Variants in DMD observed in about 807,000 individuals in gnomAD.
DMD encodes the protein dystrophin.
A neutral mutation model predicts 330.1 loss-of-function variants in DMD; 63 were observed. The ratio of observed to expected loss-of-function variants is 0.19; its 90% CI spans 0.16 to 0.24. The LOEUF (loss-of-function observed/expected upper bound fraction) is 0.24. DMD is among the 10% of genes least tolerant of loss of function. The pLI, the probability that DMD is intolerant of heterozygous loss-of-function variation, is 1.00. For missense variants in DMD, 3,344 were observed against 2,684.1 expected (o/e 1.25, Z -5.43); for synonymous variants, 1,223 against 959.8 (o/e 1.27, Z -5.07).
At chrX:32,126,985 G>A (rs1257846147) in intron 44 of DMD, among the ~76,000 whole-genome samples, 1 of 112,003 alleles carries the variant, frequency 8.9e-6, no homozygotes, top group Non-Finnish European at 1.9e-5. Flanking sequence ...TTATTTTTGT[G>A]TATAGGATTT....
At chrX:32,733,375 A>G (rs2067985979) in intron 7 of DMD, among the ~76,000 whole-genome samples, 1 of 109,557 alleles carries the variant, frequency 9.1e-6, no homozygotes. Flanking sequence ...GCCAACAAGG[A>G]TACCCAGGAA....
intron 60 of DMD, among the ~76,000 whole-genome samples, chrX:31,390,583 C>T (rs749826476): frequency 1.8e-5 from 2 of 111,236 alleles, no homozygotes; most frequent in East Asian, 5.7e-4. Context: ...TGGGAGTCAT[C>T]CTCAATCCCT....
intron 2 of DMD, among the ~76,000 whole-genome samples, chrX:32,911,841 A>T (rs1220441286): frequency 1.8e-5 from 2 of 111,574 alleles, no homozygotes; most frequent in African/African-American, 6.5e-5. Flanking sequence ...ATCTAAGCAG[A>T]CACAAAAAGT....
chrX:31,337,134 A>G (rs1188532253), intron 61 of DMD, among the ~76,000 whole-genome samples: 1 of 109,469 alleles, frequency 9.1e-6, no homozygotes, highest in Non-Finnish European at 1.9e-5. Context: ...CATGTTGGCC[A>G]GGTTGGTCTC....
At chrX:31,849,681 C>T (rs939637994) in intron 48 of DMD, among the ~76,000 whole-genome samples, 3 of 109,916 alleles carry the variant, frequency 2.7e-5, no homozygotes, top group Non-Finnish European at 3.8e-5. Flanking sequence ...GGGAATGGCA[C>T]TTATGTTTTC....
intron 44 of DMD, among the ~76,000 whole-genome samples, chrX:32,142,836 C>T (rs1174341305): frequency 8.9e-6 from 1 of 112,147 alleles, no homozygotes; most frequent in East Asian, 2.8e-4. Flanking sequence ...TAGTCATAAA[C>T]ACTAGCATCG....
At chrX:33,162,909 T>C (rs1232672528) in intron 1 of DMD, among the ~76,000 whole-genome samples, 1 of 111,164 alleles carries the variant, frequency 9.0e-6, no homozygotes, top group African/African-American at 3.3e-5. Flanking sequence ...GAAAATGACC[T>C]GCAATATTAG....
intron 59 of DMD, among the ~76,000 whole-genome samples, chrX:31,474,139 T>C (rs12014023): frequency 0.27 from 29,807 of 110,941 alleles, 4,310 homozygotes; most frequent in African/African-American, 0.55. Flanking sequence ...GTGTTTCCAT[T>C]TATTAATTTA....
intron 1 of DMD, among the ~76,000 whole-genome samples, chrX:33,146,946 C>T (rs2048062583): frequency 9.1e-6 from 1 of 110,450 alleles, no homozygotes; most frequent in South Asian, 3.9e-4. Flanking sequence ...CCTCAGCCTC[C>T]CGAGTAGCTG....
chrX:33,217,076 T>G (rs760825758), intron 1 of DMD, among the ~76,000 whole-genome samples: 62 of 111,662 alleles, frequency 5.6e-4, no homozygotes, highest in Admixed American at 4.8e-4. Context: ...ATTCACAAAT[T>G]TATTGATTAG....
Position 31,405,852 on chromosome X carries a change from C to T in DMD, c.9084+38629G>A, listed in dbSNP as rs148175749. On this transcript the variant is annotated intron_variant, in intron 60 of 78. Transcript: ENST00000357033. Reference sequence around the variant, plus strand: ...AATTCTATACAGGTTCTCAAAAGTACTATTCAGAAGTGAAAGTTCCAATAA... The same window carrying T: ...AATTCTATACAGGTTCTCAAAAGTATTATTCAGAAGTGAAAGTTCCAATAA... Among the ~76,000 whole-genome samples, 893 of 111,788 alleles carry T rather than the reference C, an allele frequency of 8.0e-3. 10 individuals carry two copies. The highest frequency in any genetic ancestry group is 0.027 in the African/African-American group (848 of 30,847).
At chrX:31,500,616 T>C (rs1488913301) in intron 56 of DMD, among the ~76,000 whole-genome samples, 1 of 112,450 alleles carries the variant, frequency 8.9e-6, no homozygotes, top group African/African-American at 3.2e-5. Context: ...TATTTTGAAA[T>C]GATTAACCTA....
intron 9 of DMD, among the ~76,000 whole-genome samples, chrX:32,690,155 C>A (rs1244315224): frequency 2.8e-5 from 3 of 108,974 alleles, no homozygotes; most frequent in Non-Finnish European, 3.8e-5. Context: ...GAATAGAAAA[C>A]CCTAGAATCC....
intron 1 of DMD, among the ~76,000 whole-genome samples, chrX:33,207,692 A>C (rs933447159): frequency 1.8e-5 from 2 of 111,627 alleles, no homozygotes; most frequent in Non-Finnish European, 3.8e-5. Flanking sequence ...CAGAACTCCA[A>C]ACATATGTCA....
chrX:31,446,165 A>G (rs2065253792), intron 59 of DMD, among the ~76,000 whole-genome samples: 1 of 112,534 alleles, frequency 8.9e-6, no homozygotes, highest in Non-Finnish European at 1.9e-5. Context: ...CTTCATCAGT[A>G]AACCGTGGTG....
chrX:31,944,369 A>G (rs1603617168), intron 45 of DMD, among the ~76,000 whole-genome samples: 1 of 112,291 alleles, frequency 8.9e-6, no homozygotes, highest in East Asian at 2.8e-4. Flanking sequence ...CACTCTTCTC[A>G]CTATATTGTT....
At chrX:31,123,877 A>G (rs1357115713) in intron 78 of DMD, among the ~76,000 whole-genome samples, 2 of 111,672 alleles carry the variant, frequency 1.8e-5, no homozygotes, top group Non-Finnish European at 3.8e-5. Flanking sequence ...ATAATCACAA[A>G]GTGTCTTTCT....
intron 29 of DMD, among the ~76,000 whole-genome samples, chrX:32,415,124 C>T (rs1420405802): frequency 8.9e-6 from 1 of 112,043 alleles, no homozygotes; most frequent in Non-Finnish European, 1.9e-5. Flanking sequence ...AAATTTGGTC[C>T]TTCCTCTGGC....
intron 2 of DMD, among the ~76,000 whole-genome samples, chrX:32,941,023 C>A (rs1387985403): frequency 1.8e-5 from 2 of 111,803 alleles, no homozygotes; most frequent in African/African-American, 6.5e-5. Flanking sequence ...AGAAGACATA[C>A]AAGTAGCCTA....
Sources: allele counts gnomAD v4.1 joint callset (sites outside exome capture counted in the v4.1 genomes callset), GRCh38; gene constraint gnomAD v4.1.1; transcripts MANE v1.5; gene names NCBI Gene and HGNC (gene_info 2026-07-23, HGNC 2026-07-21).